Variants in SAMD5 observed in about 807,000 individuals in gnomAD.
SAMD5 encodes the protein sterile alpha motif domain containing 5.
In SAMD5, 13 loss-of-function variants were observed where a neutral mutation model predicts 11.3. That is an observed-to-expected ratio of 1.15 (90% CI 0.75 to 1.83). The LOEUF (loss-of-function observed/expected upper bound fraction) is 1.83, where lower values mean the gene tolerates loss of function less well. SAMD5 is among the 40% of genes most tolerant of loss of function. SAMD5 has a pLI of 0.00. For missense variants in SAMD5, 255 were observed against 239.1 expected (o/e 1.07, Z -0.44); for synonymous variants, 129 against 111.3 (o/e 1.16, Z -1.00).
intron 1 of SAMD5, among the ~76,000 whole-genome samples, chr6:147,596,257 C>A (rs1314295403): frequency 6.6e-6 from 1 of 152,142 alleles, no homozygotes; most frequent in African/African-American, 2.4e-5. Context: ...CTTTTCCAAG[C>A]AATATATCAT....
the SAMD5 span, among the ~76,000 whole-genome samples, chr6:147,943,855 T>C: frequency 6.6e-6 from 1 of 152,120 alleles, no homozygotes; most frequent in East Asian, 1.9e-4. Flanking sequence ...CCTAAAATTC[T>C]GCATGTGTAA....
rs189323167 is a variant in SAMD5, at chr6:147,615,168, C to T, written c.162+105781C>T. 4.7e-5 allele frequency among the ~76,000 whole-genome samples: 7 copies of T among 150,420 alleles called. No homozygotes were observed. In the South Asian group the frequency reaches 8.3e-4, roughly 18 times the overall value. On this transcript the variant is annotated intron_variant, in intron 1 of 1. Coordinates refer to the SAMD5 transcript ENST00000566741. ...CTTGGAACCAATCCCCCACAGATAT[C>T]GAAGGATGACTGTATATAAATTATA...
intron 1 of SAMD5, among the ~76,000 whole-genome samples, chr6:147,554,670 G>T (rs958723279): frequency 6.6e-6 from 1 of 152,160 alleles, no homozygotes; most frequent in Non-Finnish European, 1.5e-5. Flanking sequence ...TGGCAGGAAG[G>T]TTCCAGACTT....
At chr6:147,890,755 T>G in the SAMD5 span, among the ~76,000 whole-genome samples, 1 of 102,658 alleles carries the variant, frequency 9.7e-6, no homozygotes, top group East Asian at 2.3e-4. Flanking sequence ...TTTGGATAGT[T>G]TTTTTTTTTT....
chr6:147,779,755 T>C, the SAMD5 span, among the ~76,000 whole-genome samples: 1 of 152,220 alleles, frequency 6.6e-6, no homozygotes, highest in Non-Finnish European at 1.5e-5. Context: ...GAAGGGAAGA[T>C]GGATGTGGGC....
intron 1 of SAMD5, among the ~76,000 whole-genome samples, chr6:147,575,107 A>G (rs937277701): frequency 6.6e-6 from 1 of 152,262 alleles, no homozygotes. Context: ...TTGAACATAC[A>G]TAACAATGAA....
At chr6:147,906,168 A>T in the SAMD5 span, among the ~76,000 whole-genome samples, 2 of 152,218 alleles carry the variant, frequency 1.3e-5, no homozygotes, top group African/African-American at 4.8e-5. Context: ...AAGATTTTTC[A>T]CCATAGATAT....
chr6:147,583,553 A>C (rs1028147897), intron 1 of SAMD5, among the ~76,000 whole-genome samples: 1 of 152,194 alleles, frequency 6.6e-6, no homozygotes, highest in African/African-American at 2.4e-5. Context: ...CAATCCATAT[A>C]TTTAGCTGAC....
intron 1 of SAMD5, among the ~76,000 whole-genome samples, chr6:147,581,002 C>T (rs1789290172): frequency 6.6e-6 from 1 of 152,096 alleles, no homozygotes; most frequent in African/African-American, 2.4e-5. Context: ...AGGAAAAGAG[C>T]AGTTTTTTCT....
At chr6:147,951,685 G>A in the SAMD5 span, among the ~76,000 whole-genome samples, 7 of 152,100 alleles carry the variant, frequency 4.6e-5, no homozygotes, top group Admixed American at 3.9e-4. Context: ...CTTATGTCAG[G>A]GGCATAGAGA....
Position 147,509,397 on chromosome 6 carries a change from T to G in SAMD5, c.459+10T>G. 6.6e-7 allele frequency: 1 copy of G among 1,514,478 alleles called. No individual in the cohort carries two copies. Among genetic ancestry groups the G allele is most frequent in the South Asian group, 1.3e-5 (1 of 79,258 alleles). The allele number at this position is 1,514,478 out of a possible 1,614,324, so 93.8% of individuals were successfully genotyped here. ...CCCGTACTCCCGCAAGGTAAGGAGG[T>G]GCCGTCCGGGCGGCCCGGGGCGCGC... On this transcript the variant is annotated intron_variant, in intron 1 of 1. Transcript: ENST00000367474.
At chr6:147,822,962 C>T in the SAMD5 span, among the ~76,000 whole-genome samples, 2 of 149,260 alleles carry the variant, frequency 1.3e-5, no homozygotes, top group Non-Finnish European at 3.0e-5. Flanking sequence ...TTACAGGTGC[C>T]CACCACTGCA....
rs60864074 is a variant in SAMD5 at position 147,722,321 on chromosome 6, C to A, written c.163-14996C>A. Among the ~76,000 whole-genome samples the A allele has an allele frequency of 4.8e-3, 736 of 151,844 alleles. 2 individuals are homozygous for A. Among genetic ancestry groups the A allele is most frequent in the African/African-American group, 0.017 (710 of 41,378 alleles). Reference sequence around the variant, plus strand: ...GAATAATTAGCATTGTATATAGATGCGCATTCACAGACACCATGAAAAAAG... The same window carrying A: ...GAATAATTAGCATTGTATATAGATGAGCATTCACAGACACCATGAAAAAAG... On this transcript the variant is annotated intron_variant, in intron 1 of 1. Transcript: ENST00000566741.
chr6:147,690,803 C>T (rs1428450404), intron 1 of SAMD5, among the ~76,000 whole-genome samples: 1 of 152,090 alleles, frequency 6.6e-6, no homozygotes, highest in Non-Finnish European at 1.5e-5. Flanking sequence ...TGTTTCCTCT[C>T]TGGAAATGAG....
the SAMD5 span, among the ~76,000 whole-genome samples, chr6:147,895,216 A>G: frequency 2.0e-5 from 3 of 152,200 alleles, no homozygotes; most frequent in Non-Finnish European, 4.4e-5. Flanking sequence ...TTTAGAGGTG[A>G]CAAAGTCCTT....
chr6:147,810,924 A>G, the SAMD5 span, among the ~76,000 whole-genome samples: 3 of 152,222 alleles, frequency 2.0e-5, no homozygotes, highest in African/African-American at 4.8e-5. Context: ...AGAAGCTGAT[A>G]TCTAACTGGT....
chr6:147,932,146 G>A, the SAMD5 span, among the ~76,000 whole-genome samples: 1 of 152,090 alleles, frequency 6.6e-6, no homozygotes, highest in Non-Finnish European at 1.5e-5. Context: ...CATATTTGTG[G>A]AACCAGATAA....
intron 1 of SAMD5, among the ~76,000 whole-genome samples, chr6:147,594,319 C>G (rs1032751981): frequency 1.3e-5 from 2 of 152,084 alleles, no homozygotes; most frequent in Admixed American, 1.3e-4. Flanking sequence ...AAGAGCAGAA[C>G]GTGGAGAATG....
rs9386184 is a variant in SAMD5, at chr6:147,606,746, T to A, written c.162+97359T>A. 8.8e-3 allele frequency among the ~76,000 whole-genome samples: 1,332 copies of A among 151,894 alleles called. 59 individuals carry two copies. Among genetic ancestry groups the A allele is most frequent in the Admixed American group, 0.071 (1,076 of 15,222 alleles). Reference sequence around the variant, plus strand: ...AATATACATATATACTCTCAATTAATCCTCACAACATGTTTATAGTTCACT... The same window carrying A: ...AATATACATATATACTCTCAATTAAACCTCACAACATGTTTATAGTTCACT... On this transcript the variant is annotated intron_variant, in intron 1 of 1. Coordinates refer to the SAMD5 transcript ENST00000566741.
Sources: allele counts gnomAD v4.1 joint callset (sites outside exome capture counted in the v4.1 genomes callset), GRCh38; gene constraint gnomAD v4.1.1; transcripts MANE v1.5; gene names NCBI Gene and HGNC (gene_info 2026-07-23, HGNC 2026-07-21).